PCDHGA1: variants seen among roughly 807,000 people sequenced by gnomAD.
PCDHGA1 encodes protocadherin gamma-A1.
A neutral mutation model predicts 58.0 loss-of-function variants in PCDHGA1; 32 were observed. The ratio of observed to expected loss-of-function variants is 0.55; its 90% CI spans 0.42 to 0.74. PCDHGA1 has a LOEUF of 0.74. PCDHGA1 is among the 30% of genes least tolerant of loss of function. PCDHGA1 has a pLI of 0.00. For missense variants in PCDHGA1, 1,205 were observed against 1,182.3 expected (o/e 1.02, Z -0.28); for synonymous variants, 498 against 501.1 (o/e 0.99, Z 0.08).
chr5:141,462,007 G>C (rs2099028604), intron 1 of PCDHGA1, among the ~76,000 whole-genome samples: 1 of 152,188 alleles, frequency 6.6e-6, no homozygotes, highest in South Asian at 2.1e-4. Context: ...ATTTTTAATA[G>C]AGACGGGGTT....
intron 1 of PCDHGA1, among the ~76,000 whole-genome samples, chr5:141,373,223 T>C (rs1769412774): frequency 6.6e-6 from 1 of 152,256 alleles, no homozygotes; most frequent in Admixed American, 6.5e-5. Context: ...ATGTAACCTG[T>C]ATATAATATT....
At chr5:141,344,230 T>A (rs772912037) in intron 1 of PCDHGA1, 2 of 1,614,052 alleles carry the variant, frequency 1.2e-6, no homozygotes, top group East Asian at 2.2e-5. Context: ...GGAGTCCGCA[T>A]CGTCTCCAGA....
At chr5:141,413,195 G>T (rs771456948) in intron 1 of PCDHGA1, 1 of 1,610,846 alleles carries the variant, frequency 6.2e-7, no homozygotes, top group South Asian at 1.1e-5. Context: ...CAAAGGAATC[G>T]CTCAAAGGAA....
chr5:141,500,870 A>C (rs2099803097), intron 2 of PCDHGA1, among the ~76,000 whole-genome samples: 1 of 139,794 alleles, frequency 7.2e-6, no homozygotes, highest in African/African-American at 2.8e-5. Context: ...ATACACATTC[A>C]TTTACAATTT....
intron 1 of PCDHGA1, chr5:141,403,162 T>C (rs745617954): frequency 9.3e-6 from 15 of 1,613,862 alleles, no homozygotes; most frequent in African/African-American, 2.7e-5. Flanking sequence ...TCTCTAGAGG[T>C]AGGACGCAGC....
chr5:141,343,527 A>G (rs1277391864), intron 1 of PCDHGA1, among the ~76,000 whole-genome samples: 2 of 152,180 alleles, frequency 1.3e-5, no homozygotes, highest in Admixed American at 1.3e-4. Context: ...GTTCTTTGTT[A>G]CTGTGTGTTT....
At position 141,351,166 on chromosome 5, in the gene PCDHGA1, A is replaced by G. The variant is rs530140667; in HGVS notation, c.2421+18061A>G. The G allele has an allele frequency of 2.5e-6, 4 of 1,614,052 alleles. No homozygotes were observed. The East Asian group carries it at 6.7e-5, about 27-fold the overall frequency. On this transcript the variant is annotated intron_variant, in intron 1 of 3. Transcript: ENST00000517417. ...CTGGCGACATCACAACCAATGGCACATTGGATTTTGAAGAGACAAGTAGAT... is the reference window on the plus strand; with the variant it reads ...CTGGCGACATCACAACCAATGGCACGTTGGATTTTGAAGAGACAAGTAGAT...
At chr5:141,358,277 T>C (rs1760874322) in intron 1 of PCDHGA1, among the ~76,000 whole-genome samples, 1 of 152,226 alleles carries the variant, frequency 6.6e-6, no homozygotes, top group Admixed American at 6.5e-5. Flanking sequence ...ACCTGTAAAA[T>C]AGAAGGCAAT....
chr5:141,399,460 G>T (rs1465606526), intron 1 of PCDHGA1: 1 of 1,613,962 alleles, frequency 6.2e-7, no homozygotes, highest in Middle Eastern at 1.6e-4. Flanking sequence ...CAACGATAAC[G>T]CTCCGGTTTT....
intron 1 of PCDHGA1, among the ~76,000 whole-genome samples, chr5:141,349,009 G>C (rs1279554227): frequency 6.6e-6 from 1 of 152,148 alleles, no homozygotes; most frequent in East Asian, 1.9e-4. Flanking sequence ...ATATTTACCA[G>C]TGGTCAAGTC....
At chr5:141,422,181 G>A in intron 1 of PCDHGA1, 3 of 1,561,316 alleles carry the variant, frequency 1.9e-6, no homozygotes, top group Non-Finnish European at 2.6e-6. Flanking sequence ...TCTATGAGAT[G>A]GAAATTCAAG....
intron 1 of PCDHGA1, chr5:141,350,239 A>G: frequency 6.7e-7 from 1 of 1,503,466 alleles, no homozygotes; most frequent in Non-Finnish European, 8.9e-7. Flanking sequence ...AGAGGAAAGA[A>G]GCTCCGCGGA....
In PCDHGA1 at chr5:141,383,574, C is replaced by T. The variant is rs1338805390; in HGVS notation, c.2421+50469C>T. The stretch of plus-strand genomic sequence containing the variant: ...GCGGCGACCCGCCCCGATCCAGCAC[C>T]GCCCACATCCAGGTGACAGTGGTGG... On this transcript the variant is annotated intron_variant, in intron 1 of 3. Transcript: ENST00000517417. The T allele has an allele frequency of 3.7e-6, 6 of 1,613,366 alleles. No homozygotes were observed. In the South Asian group the frequency reaches 5.5e-5, roughly 15 times the overall value.
In PCDHGA1 at chr5:141,486,288, T is replaced by G. The variant is rs1181533037; in HGVS notation, c.2422-8519T>G. ...GAACCTGGCACTGTGGTGGCACTTA[T>G]CAGTGTGCAGGATCCAGACTCAGGG... On this transcript the variant is annotated intron_variant, in intron 1 of 3. Transcript: ENST00000517417. This position sits in a 1 kb window ranked among gnomAD's most constrained non-coding sequence, Gnocchi z 5.0. The G allele has an allele frequency of 6.2e-7, 1 of 1,613,996 alleles. No individual in the cohort carries two copies. The highest frequency in any genetic ancestry group is 1.7e-5 in the Admixed American group (1 of 60,000).
intron 1 of PCDHGA1, chr5:141,364,740 A>T: frequency 6.2e-7 from 1 of 1,613,970 alleles, no homozygotes; most frequent in Middle Eastern, 1.6e-4. Flanking sequence ...CGGGATGAAG[A>T]GTTAAAAGTA....
At chr5:141,419,938 G>A in intron 1 of PCDHGA1, 1 of 1,614,102 alleles carries the variant, frequency 6.2e-7, no homozygotes, top group Non-Finnish European at 8.5e-7. Context: ...TTTACCTGGT[G>A]GTGGCCTTGG....
At chr5:141,362,644 T>G in intron 1 of PCDHGA1, 2 of 1,454,150 alleles carry the variant, frequency 1.4e-6, no homozygotes, top group Non-Finnish European at 1.8e-6. Flanking sequence ...TCTTTGTCTG[T>G]GAGTTAGATT....
At chr5:141,333,845 C>A (rs1339758547) in intron 1 of PCDHGA1, 2 of 152,050 alleles carry the variant, frequency 1.3e-5, no homozygotes, top group African/African-American at 2.4e-5. Flanking sequence ...AGCTGTGGTG[C>A]CTGTACTGAA....
chr5:141,344,061 G>A, intron 1 of PCDHGA1: 1 of 1,568,532 alleles, frequency 6.4e-7, no homozygotes. Flanking sequence ...TTTCCGAAAT[G>A]GCAGAGGACT....
Sources: allele counts gnomAD v4.1 joint callset (sites outside exome capture counted in the v4.1 genomes callset), GRCh38; gene constraint gnomAD v4.1.1; non-coding constraint Gnocchi (gnomAD v3.1); transcripts MANE v1.5; gene names NCBI Gene and HGNC (gene_info 2026-07-23, HGNC 2026-07-21).